Variants in NEK5 observed in about 807,000 individuals in gnomAD.
NEK5 encodes serine/threonine-protein kinase Nek5.
In NEK5, 88 loss-of-function variants were observed where a neutral mutation model predicts 109.2. That is an observed-to-expected ratio of 0.81 (90% CI 0.68 to 0.96). NEK5 has a LOEUF of 0.96. Among genes scored for constraint, NEK5 ranks in the 40% least tolerant of loss-of-function variants. The pLI, the probability that NEK5 is intolerant of heterozygous loss-of-function variation, is 0.00. For missense variants in NEK5, 834 were observed against 920.7 expected (o/e 0.91, Z 1.22); for synonymous variants, 283 against 299.9 (o/e 0.94, Z 0.58).
chr13:52,069,921 G>A (rs1593934577), intron 20 of NEK5, among the ~76,000 whole-genome samples: 2 of 152,248 alleles, frequency 1.3e-5, no homozygotes, highest in Middle Eastern at 6.8e-3. Context: ...AACATTTCAG[G>A]CTCAGAAAAC....
intron 23 of NEK5, among the ~76,000 whole-genome samples, chr13:52,044,392 A>G (rs975096400): frequency 1.3e-5 from 2 of 152,224 alleles, no homozygotes; most frequent in Admixed American, 6.5e-5. Context: ...AGGTTCACAT[A>G]CAGAATATAC....
chr13:52,112,198 T>C (rs1044164679), intron 5 of NEK5, 70 bp downstream of exon 5: 18 of 798,374 alleles, frequency 2.3e-5, no homozygotes, highest in African/African-American at 2.1e-4. Context: ...CTACTACTTA[T>C]GACATTATAA....
intron 9 of NEK5, among the ~76,000 whole-genome samples, chr13:52,103,686 CG>C (rs1231987542): frequency 6.6e-6 from 1 of 152,204 alleles, no homozygotes; most frequent in African/African-American, 2.4e-5. Context: ...ATGCTGAACA[CG>C]GGCTTTCTTT....
At position 52,064,420 on chromosome 13, in the gene NEK5, G is replaced by A. The variant is rs868833453; in HGVS notation, c.1975+1064C>T. Among the ~76,000 whole-genome samples the A allele has an allele frequency of 3.0e-3, 431 of 143,176 alleles. 3 individuals are homozygous for A. Among genetic ancestry groups the A allele is most frequent in the African/African-American group, 1.0e-2 (381 of 38,208 alleles). 93.9% of individuals were successfully genotyped at this position (143,176 alleles called of 152,430 possible). ...AGGTGGGGGAGCCAGCCCCCCGCCC[G>A]GCCAGCCACCCCGTCCGGGAGGGAG... On this transcript the variant is annotated intron_variant, in intron 21 of 23. Transcript: ENST00000684899.
rs1272258556 is a variant in NEK5, at chr13:52,064,225, T to TG, written c.1975+1258dup. On this transcript the variant is annotated intron_variant, in intron 21 of 23. Coordinates refer to ENST00000684899, the MANE Select transcript of NEK5 (RefSeq NM_001365552.1). ...CCAGCCGCCCCGTCCGGGAGGGAGG[T>TG]GGGGGGGTCAGCCCCCCGCCCAGCC... 5.0e-4 allele frequency among the ~76,000 whole-genome samples: 46 copies of TG among 92,120 alleles called. No individual in the cohort carries two copies. The East Asian group carries it at 0.014, about 28-fold the overall frequency. The allele number at this position is 92,120 out of a possible 152,430, so 60.4% of individuals were successfully genotyped here. A position where few individuals can be genotyped will look rare whatever the true frequency, so the allele number is the denominator to read the frequency against.
chr13:52,083,186 A>G, intron 17 of NEK5, 74 bp downstream of exon 17: 4 of 994,502 alleles, frequency 4.0e-6, no homozygotes. Flanking sequence ...TCTGCTGCAC[A>G]GAGAAGGGTA....
At position 52,054,363 on chromosome 13, in the gene NEK5, CT is replaced by C. The variant is rs762420116; in HGVS notation, c.2111-4143del. Among the ~76,000 whole-genome samples, 10 of 152,330 alleles carry C rather than the reference CT, an allele frequency of 6.6e-5. No individual in the cohort carries two copies. The East Asian group carries it at 1.4e-3, about 21-fold the overall frequency. On this transcript the variant is annotated intron_variant, in intron 22 of 23. Transcript: ENST00000684899. ...AGAGTTGGAGTCTCACTCTGTCACA[CT>C]AACTGGAGTGCAGCAGCACAATCAT...
chr13:52,074,881 C>G (rs1415284397), intron 19 of NEK5, among the ~76,000 whole-genome samples: 3 of 152,156 alleles, frequency 2.0e-5, no homozygotes, highest in Admixed American at 6.6e-5. Flanking sequence ...GAATACTCAT[C>G]ATCACTAATT....
intron 17 of NEK5, among the ~76,000 whole-genome samples, chr13:52,080,114 G>T (rs1423273601): frequency 6.6e-6 from 1 of 151,586 alleles, no homozygotes; most frequent in African/African-American, 2.4e-5. Flanking sequence ...CAGCCACCCC[G>T]TCTGGGAGGT....
At chr13:52,082,143 C>A in intron 17 of NEK5, 1 of 245,748 alleles carries the variant, frequency 4.1e-6, no homozygotes. Context: ...TGGTGAGACC[C>A]TGTCTCTACT....
chr13:52,060,638 G>A (rs141697232), intron 22 of NEK5, among the ~76,000 whole-genome samples: 7 of 152,066 alleles, frequency 4.6e-5, no homozygotes, highest in African/African-American at 7.2e-5. Flanking sequence ...AAGCCACCGC[G>A]CCCAGCCTAA....
rs1406252873 is a variant in NEK5, at chr13:52,036,880, T to C, written c.*68A>G. 1 of 760,128 alleles carries C rather than the reference T, an allele frequency of 1.3e-6. No homozygotes were observed. Among genetic ancestry groups the C allele is most frequent in the Non-Finnish European group, 1.6e-6 (1 of 624,578 alleles). The allele number at this position is 760,128 out of a possible 1,614,324, so 47.1% of individuals were successfully genotyped here. On this transcript the variant is annotated 3_prime_UTR_variant, in exon 24 of 24. Transcript: ENST00000684899. The stretch of plus-strand genomic sequence containing the variant: ...AACCCTTACAGTAAATGAGCATTTA[T>C]GACTTGTACCCAAATAAATACTATA...
At chr13:52,050,071 C>T in intron 23 of NEK5, 33 bp downstream of exon 23, 2 of 818,400 alleles carry the variant, frequency 2.4e-6, no homozygotes, top group Non-Finnish European at 3.0e-6. Context: ...TGTACCAGTG[C>T]TCGACTTAGG....
chr13:52,047,305 G>C (rs1465985028), intron 23 of NEK5, among the ~76,000 whole-genome samples: 1 of 151,834 alleles, frequency 6.6e-6, no homozygotes, highest in Non-Finnish European at 1.5e-5. Context: ...TAAAAAAAAA[G>C]CAAATTATAG....
chr13:52,100,466 T>C (rs993290404), intron 11 of NEK5, among the ~76,000 whole-genome samples: 1 of 152,244 alleles, frequency 6.6e-6, no homozygotes, highest in African/African-American at 2.4e-5. Flanking sequence ...TTGGCCATGT[T>C]GGCCAGACTG....
At chr13:52,083,422 C>A in intron 16 of NEK5, 70 bp from the exon 17 acceptor site, 2 of 894,884 alleles carry the variant, frequency 2.2e-6, no homozygotes, top group Non-Finnish European at 1.9e-6. Flanking sequence ...TTGGCTGATG[C>A]GCGATCAATG....
intron 20 of NEK5, among the ~76,000 whole-genome samples, chr13:52,067,108 G>C (rs904869402): frequency 1.3e-5 from 2 of 152,084 alleles, no homozygotes; most frequent in Non-Finnish European, 2.9e-5. Context: ...TTGTGTGAAT[G>C]ACTATAATTT....
Position 52,036,129 on chromosome 13 carries a change from G to A in NEK5, c.*819C>T, listed in dbSNP as rs1459379654. On this transcript the variant is annotated 3_prime_UTR_variant, in exon 24 of 24. Transcript: ENST00000684899. Reference sequence around the variant, plus strand: ...AGAATCCATTTCTTTGCCTTTTCCAGATTCCAGAGGCTGTCTGAATTCTTA... The same window carrying A: ...AGAATCCATTTCTTTGCCTTTTCCAAATTCCAGAGGCTGTCTGAATTCTTA... 1.3e-5 allele frequency: 2 copies of A among 152,152 alleles called. No homozygotes were observed. The highest frequency in any genetic ancestry group is 4.8e-5 in the African/African-American group (2 of 41,426). 9.4% of individuals were successfully genotyped at this position (152,152 alleles called of 1,614,324 possible).
At chr13:52,092,152 G>A (rs1188543218) in intron 13 of NEK5, among the ~76,000 whole-genome samples, 1 of 151,836 alleles carries the variant, frequency 6.6e-6, no homozygotes, top group Non-Finnish European at 1.5e-5. Flanking sequence ...GATGAAGAAG[G>A]GTTACAGGAA....
Sources: gnomAD v4.1 joint callset for allele counts (sites outside exome capture counted in the v4.1 genomes callset) on GRCh38, gnomAD v4.1.1 for gene constraint, MANE v1.5 for transcripts, NCBI Gene and HGNC (gene_info 2026-07-23, HGNC 2026-07-21) for gene names.